The following SH3TC2 variants were observed in gnomAD, a reference collection of about 807,000 sequenced individuals.
The protein encoded by SH3TC2 is SH3 domain and tetratricopeptide repeat-containing protein 2.
In SH3TC2, 87 loss-of-function variants were observed where a neutral mutation model predicts 124.5. That is an observed-to-expected ratio of 0.70 (90% CI 0.59 to 0.84). The LOEUF (loss-of-function observed/expected upper bound fraction) is 0.84. SH3TC2 is among the 40% of genes least tolerant of loss of function. The pLI is 0.00. For missense variants in SH3TC2, 1,536 were observed against 1,566.4 expected (o/e 0.98, Z 0.33); for synonymous variants, 634 against 628.5 (o/e 1.01, Z -0.13).
At chr5:149,010,457 C>G in intron 13 of SH3TC2, 65 bp from the exon 14 acceptor site, 2 of 1,607,702 alleles carry the variant, frequency 1.2e-6, no homozygotes, top group Non-Finnish European at 1.7e-6. Flanking sequence ...ACAGGACTGG[C>G]AGAGCTAAGA....
chr5:149,062,122 C>A (rs1443205711), intron 1 of SH3TC2, among the ~76,000 whole-genome samples: 1 of 152,096 alleles, frequency 6.6e-6, no homozygotes, highest in Non-Finnish European at 1.5e-5. Context: ...CATGGTGGAG[C>A]TCCAGGAAGA....
chr5:149,045,112 A>T (rs1255102975), intron 3 of SH3TC2: 1 of 157,940 alleles, frequency 6.3e-6, no homozygotes, highest in Non-Finnish European at 1.4e-5. Context: ...ACCAAAACAC[A>T]CAAAAATAAT....
intron 16 of SH3TC2, 135 bp from the exon 17 acceptor site, chr5:149,005,037 C>T: frequency 9.6e-7 from 1 of 1,041,450 alleles, no homozygotes; most frequent in Non-Finnish European, 1.4e-6. Context: ...ATCCAATCCC[C>T]ATCTCCTGAG....
rs776426059 is a variant in SH3TC2, at chr5:149,026,871, C to T, written c.2861G>A (p.Arg954Gln). The change falls in exon 11 of 17, where the codon CGA becomes CAA. Residue 954 changes from arginine to glutamine, a missense_variant. This residue lies in a region of SH3TC2 where 426 missense variants were observed against 443.5 expected (regional missense o/e 0.96). Coordinates refer to ENST00000515425, the MANE Select transcript of SH3TC2 (RefSeq NM_024577.4). ...EMALLFGLRH[R>Q]HLKSQLQATK... ...TGGGACATACTTACTCTTTAGATGTCGATGCCTTAAGCCAAACAGCAATGC... is the reference window on the plus strand; with the variant it reads ...TGGGACATACTTACTCTTTAGATGTTGATGCCTTAAGCCAAACAGCAATGC... 62 of 1,614,052 alleles carry T rather than the reference C, an allele frequency of 3.8e-5. No individual in the cohort carries two copies. The East Asian group carries it at 5.8e-4, about 15-fold the overall frequency.
intron 15 of SH3TC2, 64 bp downstream of exon 15, chr5:149,008,787 T>C: frequency 1.9e-6 from 3 of 1,608,880 alleles, no homozygotes; most frequent in Non-Finnish European, 2.5e-6. Context: ...TGTTATTGCT[T>C]TGCTGTCTAT....
intron 16 of SH3TC2, among the ~76,000 whole-genome samples, chr5:149,005,602 G>T (rs1013211021): frequency 6.6e-6 from 1 of 152,140 alleles, no homozygotes; most frequent in African/African-American, 2.4e-5. Context: ...TGGGGCAGAG[G>T]CAAGATGGCT....
Position 149,027,882 on chromosome 5 carries a change from G to T in SH3TC2, c.1850C>A (p.Ala617Asp). ...SSAKHELDVV[A>D]YVLRQGIVVG... ...CACAATCCCCTGGCGCAGCACGTAG[G>T]CCACCACGTCGAGTTCATGCTTGGC... The change falls in exon 11 of 17, where the codon GCC (alanine) becomes GAC (aspartate). Residue 617 changes from alanine to aspartate, a missense_variant. This residue lies in a region of SH3TC2 where 1,102 missense variants were observed against 1,098.6 expected (regional missense o/e 1.00). Coordinates refer to ENST00000515425, the MANE Select transcript of SH3TC2 (RefSeq NM_024577.4). The T allele has an allele frequency of 6.2e-7, 1 of 1,613,864 alleles. No homozygotes were observed. Among genetic ancestry groups the T allele is most frequent in the Non-Finnish European group, 8.5e-7 (1 of 1,180,034 alleles).
intron 1 of SH3TC2, among the ~76,000 whole-genome samples, chr5:149,061,036 G>A (rs1754737683): frequency 6.6e-6 from 1 of 152,126 alleles, no homozygotes; most frequent in Non-Finnish European, 1.5e-5. Flanking sequence ...ACCTCGCTAG[G>A]GAAAGGCCCT....
intron 1 of SH3TC2, among the ~76,000 whole-genome samples, chr5:149,053,749 T>G (rs1754595370): frequency 1.3e-5 from 2 of 152,204 alleles, no homozygotes; most frequent in African/African-American, 4.8e-5. Context: ...AGGACTGATC[T>G]AAATTAGTGC....
rs371723580 is a variant in SH3TC2 at position 148,999,691 on chromosome 5, G to A, written c.*5020C>T. Among the ~76,000 whole-genome samples the A allele has an allele frequency of 4.8e-4, 73 of 152,344 alleles. No individual in the cohort carries two copies. In the South Asian group the frequency reaches 0.013, roughly 26 times the overall value. On this transcript the variant is annotated 3_prime_UTR_variant, in exon 17 of 17. Coordinates refer to ENST00000515425, the MANE Select transcript of SH3TC2 (RefSeq NM_024577.4). The stretch of plus-strand genomic sequence containing the variant: ...TTGATATCTGAATCAAGGCTGGAGT[G>A]TTGTGTTGCAATCGCCAAGTCCTAA...
At chr5:149,007,448 A>C in intron 15 of SH3TC2, 2 of 492,130 alleles carry the variant, frequency 4.1e-6, no homozygotes, top group Non-Finnish European at 7.3e-6. Context: ...AATTCTTCTT[A>C]AACCCTTTTA....
At position 149,028,182 on chromosome 5, in the gene SH3TC2, C is replaced by T. The variant is rs374869128; in HGVS notation, c.1550G>A (p.Trp517Ter). ...CCAGGTCATGTGGCTCTTCTTGGCC[C>T]ACTTTCTTGATGCCTCCAGGTAGGC... ...FVAYLEASRK[W>*]AKKSHMTWAH... The change falls in exon 11 of 17, where the codon TGG becomes TAG. Residue 517 changes from tryptophan (W) to a stop codon, truncating the protein, a stop_gained. Coordinates refer to ENST00000515425, the MANE Select transcript of SH3TC2 (RefSeq NM_024577.4). LOFTEE classifies it high-confidence loss of function. The T allele has an allele frequency of 6.2e-7, 1 of 1,614,016 alleles. No homozygotes were observed. The highest frequency in any genetic ancestry group is 1.3e-5 in the African/African-American group (1 of 74,948).
chr5:149,017,611 G>T (rs1753897953), intron 12 of SH3TC2, among the ~76,000 whole-genome samples: 1 of 152,094 alleles, frequency 6.6e-6, no homozygotes, highest in Non-Finnish European at 1.5e-5. Flanking sequence ...GGCAGCATAA[G>T]ATCATAAATT....
In SH3TC2 at chr5:148,995,712, G is replaced by A. The variant is rs1285710594; in HGVS notation, c.*8999C>T. On this transcript the variant is annotated 3_prime_UTR_variant, in exon 17 of 17. Transcript: ENST00000515425. ...TTCACCCATTCAACAAATCTTTATT[G>A]AGAGCCTGCCATGCATCAGACACTG... Among the ~76,000 whole-genome samples the A allele has an allele frequency of 1.3e-5, 2 of 151,860 alleles. No individual in the cohort carries two copies. Among genetic ancestry groups the A allele is most frequent in the East Asian group, 3.9e-4 (2 of 5,182 alleles).
At chr5:149,060,244 T>A (rs1011480561) in intron 1 of SH3TC2, among the ~76,000 whole-genome samples, 1 of 152,238 alleles carries the variant, frequency 6.6e-6, no homozygotes, top group African/African-American at 2.4e-5. Context: ...AACTTTGACA[T>A]GGCTTTCTCT....
At chr5:149,061,613 A>G (rs1280344119) in intron 1 of SH3TC2, among the ~76,000 whole-genome samples, 1 of 152,210 alleles carries the variant, frequency 6.6e-6, no homozygotes, top group East Asian at 1.9e-4. Flanking sequence ...GAAGTTAAAT[A>G]AGTTGTCGAG....
At chr5:149,015,637 T>G (rs1753858439) in intron 12 of SH3TC2, among the ~76,000 whole-genome samples, 1 of 152,192 alleles carries the variant, frequency 6.6e-6, no homozygotes, top group Admixed American at 6.5e-5. Context: ...AGTCTTTGTT[T>G]CTTCTTCCCT....
At chr5:149,018,340 T>TG (rs1323563071) in intron 12 of SH3TC2, among the ~76,000 whole-genome samples, 1 of 152,154 alleles carries the variant, frequency 6.6e-6, no homozygotes, top group Non-Finnish European at 1.5e-5. Flanking sequence ...GAGTCTTCTT[T>TG]GCACCTATAT....
Position 149,047,944 on chromosome 5 carries a change from A to G in SH3TC2, c.197T>C (p.Val66Ala), listed in dbSNP as rs1485527369. The change falls in exon 3 of 17, where the codon GTA becomes GCA. Residue 66 changes from valine (V) to alanine (A), a missense_variant. Val to Ala is a moderately conservative substitution (Grantham distance 64). Transcript: ENST00000515425. Reference sequence around the variant, plus strand: ...AGCAGCTTCCTGTAGGGGTCCATTTACACACCTCCTGGAGCGGCTCTTTAC... The same window carrying G: ...AGCAGCTTCCTGTAGGGGTCCATTTGCACACCTCCTGGAGCGGCTCTTTAC... ...FCVKSRSRRC[V>A]NGPLQEAARR... The G allele has an allele frequency of 1.3e-5, 21 of 1,614,024 alleles. No individual in the cohort carries two copies. The Admixed American group carries it at 3.5e-4, about 27-fold the overall frequency.
Sources: allele counts gnomAD v4.1 joint callset (sites outside exome capture counted in the v4.1 genomes callset), GRCh38; gene constraint gnomAD v4.1.1; regional missense constraint gnomAD v4.1.1; transcripts MANE v1.5; gene names NCBI Gene and HGNC (gene_info 2026-07-23, HGNC 2026-07-21).